Variants in USP49 observed in about 807,000 individuals in gnomAD.
The protein encoded by USP49 is ubiquitin specific peptidase 49.
In USP49, 24 loss-of-function variants were observed where a neutral mutation model predicts 58.6. The ratio of observed to expected loss-of-function variants is 0.41; its 90% CI spans 0.30 to 0.58. The LOEUF (loss-of-function observed/expected upper bound fraction) is 0.58, where lower values mean the gene tolerates loss of function less well. USP49 is among the 20% of genes least tolerant of loss of function. The pLI is 0.30. For missense variants in USP49, 703 were observed against 866.1 expected (o/e 0.81, Z 2.36); for synonymous variants, 408 against 365.1 (o/e 1.12, Z -1.34).
intron 2 of USP49, among the ~76,000 whole-genome samples, chr6:41,890,128 C>T (rs1359424802): frequency 6.6e-6 from 1 of 152,112 alleles, no homozygotes; most frequent in Non-Finnish European, 1.5e-5. Flanking sequence ...CACGGTGGCT[C>T]ACGCCTGTAA....
At chr6:41,860,658 C>T (rs1439799372) in intron 3 of USP49, among the ~76,000 whole-genome samples, 5 of 139,216 alleles carry the variant, frequency 3.6e-5, no homozygotes, top group Non-Finnish European at 6.3e-5. Flanking sequence ...CAGGCGTGCA[C>T]CATCACACCC....
intron 3 of USP49, among the ~76,000 whole-genome samples, chr6:41,836,996 A>G (rs967379431): frequency 2.6e-5 from 4 of 152,212 alleles, no homozygotes; most frequent in South Asian, 2.1e-4. Flanking sequence ...ATGCTCATGG[A>G]TAAGAAGAAT....
intron 3 of USP49, among the ~76,000 whole-genome samples, chr6:41,835,521 G>A (rs1180439973): frequency 6.6e-6 from 1 of 151,550 alleles, no homozygotes; most frequent in Non-Finnish European, 1.5e-5. Context: ...AGACCATCCT[G>A]GCCAACATGG....
chr6:41,864,316 A>G (rs1774273044), intron 3 of USP49, among the ~76,000 whole-genome samples: 1 of 152,114 alleles, frequency 6.6e-6, no homozygotes, highest in South Asian at 2.1e-4. Flanking sequence ...TAATCCCAGC[A>G]CTTTGGGAGG....
chr6:41,837,406 C>T (rs1315830050), intron 3 of USP49, among the ~76,000 whole-genome samples: 2 of 152,158 alleles, frequency 1.3e-5, no homozygotes, highest in Non-Finnish European at 2.9e-5. Context: ...AAGCCATATG[C>T]AGAAGATTGA....
chr6:41,873,913 T>G (rs1774457963), intron 2 of USP49, among the ~76,000 whole-genome samples: 1 of 152,232 alleles, frequency 6.6e-6, no homozygotes, highest in Non-Finnish European at 1.5e-5. Flanking sequence ...CAGGTCCCAC[T>G]TATATCATTT....
In USP49 at chr6:41,839,404, C is replaced by CAAAAAAAA. The variant is rs538220746; in HGVS notation, c.-29+32152_-29+32159dup. On this transcript the variant is annotated intron_variant, in intron 3 of 7. Coordinates refer to ENST00000682992, the MANE Select transcript of USP49 (RefSeq NM_001286554.2). ...TGGACAATAGAGCCAGGCCTTGTCT[C>CAAAAAAAA]AAAAAAAAAAAAAAAAAAAAAAAAA... 3.1e-4 allele frequency among the ~76,000 whole-genome samples: 7 copies of CAAAAAAAA among 22,256 alleles called. 1 individual carries two copies. Among genetic ancestry groups the CAAAAAAAA allele is most frequent in the African/African-American group, 7.1e-4 (5 of 7,006 alleles). The allele number at this position is 22,256 out of a possible 152,430, so 14.6% of individuals were successfully genotyped here. A position where few individuals can be genotyped will look rare whatever the true frequency, so the allele number is the denominator to read the frequency against.
chr6:41,815,005 A>C (rs1773323391), intron 3 of USP49, among the ~76,000 whole-genome samples: 1 of 152,214 alleles, frequency 6.6e-6, no homozygotes, highest in Non-Finnish European at 1.5e-5. Flanking sequence ...ATTTACAAAT[A>C]ATAAATGTTA....
intron 3 of USP49, among the ~76,000 whole-genome samples, chr6:41,834,606 GTGTTCT>G (rs1773694282): frequency 6.6e-6 from 1 of 152,140 alleles, no homozygotes; most frequent in African/African-American, 2.4e-5. Flanking sequence ...TTGTGATAGT[GTGTTCT>G]CACGAGATCC....
intron 3 of USP49, among the ~76,000 whole-genome samples, chr6:41,853,252 T>C (rs1181455491): frequency 1.3e-5 from 2 of 152,328 alleles, no homozygotes; most frequent in Middle Eastern, 3.4e-3. Context: ...TTGTGGACTT[T>C]AGGCAAAATG....
intron 3 of USP49, among the ~76,000 whole-genome samples, chr6:41,825,607 CAA>C (rs1773525121): frequency 6.6e-6 from 1 of 151,934 alleles, no homozygotes; most frequent in African/African-American, 2.4e-5. Context: ...AATAATAAAA[CAA>C]AGTATATATG....
At position 41,881,288 on chromosome 6, in the gene USP49, CAAAAAAAAAAAAAA is replaced by C. The variant is rs57022965; in HGVS notation, c.-102-9665_-102-9652del. Among the ~76,000 whole-genome samples the C allele has an allele frequency of 7.8e-3, 159 of 20,404 alleles. 1 individual carries two copies. Among genetic ancestry groups the C allele is most frequent in the African/African-American group, 0.033 (135 of 4,050 alleles). 13.4% of individuals were successfully genotyped at this position (20,404 alleles called of 152,430 possible). On this transcript the variant is annotated intron_variant, in intron 2 of 7. Coordinates refer to ENST00000682992, the MANE Select transcript of USP49 (RefSeq NM_001286554.2). ...TGTTCAGAAATATGGCATTAAATAC[CAAAAAAAAAAAAAA>C]AAAAAAAAAAAAAAAAAGCCCAGCT...
chr6:41,858,839 T>C (rs1774173603), intron 3 of USP49, among the ~76,000 whole-genome samples: 2 of 152,304 alleles, frequency 1.3e-5, no homozygotes, highest in Middle Eastern at 3.4e-3. Context: ...CTAGCAATTA[T>C]CACTATCTAA....
At chr6:41,839,709 G>A (rs1349098588) in intron 3 of USP49, among the ~76,000 whole-genome samples, 1 of 152,092 alleles carries the variant, frequency 6.6e-6, no homozygotes, top group Non-Finnish European at 1.5e-5. Flanking sequence ...CTGGGTGGAG[G>A]TGGAGACGAT....
At chr6:41,812,856 A>C (rs1311159452) in intron 3 of USP49, among the ~76,000 whole-genome samples, 3 of 152,236 alleles carry the variant, frequency 2.0e-5, no homozygotes, top group Non-Finnish European at 2.9e-5. Flanking sequence ...AATGAGAGGG[A>C]TATCAATATT....
At chr6:41,807,763 T>C (rs4714515) in intron 3 of USP49, among the ~76,000 whole-genome samples, 3,768 of 150,348 alleles carry the variant, frequency 0.025, 128 homozygotes, top group Admixed American at 0.1. Flanking sequence ...TTTTAATTTA[T>C]TTTTTGTTTT....
chr6:41,802,274 G>A (rs1459508009), intron 5 of USP49, among the ~76,000 whole-genome samples: 1 of 151,602 alleles, frequency 6.6e-6, no homozygotes, highest in Admixed American at 6.6e-5. Context: ...CTCCTGCCTT[G>A]GCCTCCCAAA....
intron 3 of USP49, among the ~76,000 whole-genome samples, chr6:41,814,293 G>A (rs1208368543): frequency 1.3e-5 from 2 of 152,158 alleles, no homozygotes; most frequent in African/African-American, 2.4e-5. Flanking sequence ...TTAAAAATCT[G>A]AATCAACTGG....
intron 3 of USP49, among the ~76,000 whole-genome samples, chr6:41,811,172 A>G (rs1305326338): frequency 6.6e-6 from 1 of 152,182 alleles, no homozygotes; most frequent in African/African-American, 2.4e-5. Flanking sequence ...GAAGCGACCT[A>G]GACTACTCTC....
Sources: gnomAD v4.1 joint callset for allele counts (sites outside exome capture counted in the v4.1 genomes callset) on GRCh38, gnomAD v4.1.1 for gene constraint, MANE v1.5 for transcripts, NCBI Gene and HGNC (gene_info 2026-07-23, HGNC 2026-07-21) for gene names.